Variants in RBM44 observed in about 807,000 individuals in gnomAD.
RBM44 encodes the protein RNA binding motif protein 44, also known as RNA-binding protein 44.
Under a neutral mutation model 105.1 loss-of-function variants are expected in RBM44, and 66 were observed. The observed-to-expected ratio is 0.63, with a 90% CI of 0.52 to 0.77. The LOEUF is 0.77. RBM44 is among the 30% of genes least tolerant of loss of function. The pLI is 0.00. For synonymous variants in RBM44, 365 were observed against 417.6 expected (o/e 0.87, Z 1.54); for missense variants, 1,122 against 1,207.8 (o/e 0.93, Z 1.05).
rs567841735 is a variant in RBM44 at position 237,819,286 on chromosome 2, T to C, written c.1736+327T>C. On this transcript the variant is annotated intron_variant, in intron 4 of 15. Coordinates refer to ENST00000316997, the MANE Select transcript of RBM44 (RefSeq NM_001080504.3). ...AGAACAAACTAGCACCTTTGGAATA[T>C]GTCATTTATTTGGAGAAGTAAATAG... Among the ~76,000 whole-genome samples, 3 of 152,094 alleles carry C rather than the reference T, an allele frequency of 2.0e-5. No individual in the cohort carries two copies. The East Asian group carries it at 5.8e-4, about 29-fold the overall frequency.
At position 237,841,111 on chromosome 2, in the gene RBM44, C is replaced by T. The variant is rs1439751334; in HGVS notation, c.*23-728C>T. Among the ~76,000 whole-genome samples, 1 of 152,200 alleles carries T rather than the reference C, an allele frequency of 6.6e-6. No homozygotes were observed. The highest frequency in any genetic ancestry group is 1.5e-5 in the Non-Finnish European group (1 of 68,034). The stretch of plus-strand genomic sequence containing the variant: ...TGTAAATCATTGTACCATAAAGACA[C>T]ATGCATGTGCATATTTATCACAGCA... On this transcript the variant is annotated intron_variant, in intron 15 of 15. Coordinates refer to ENST00000316997, the MANE Select transcript of RBM44 (RefSeq NM_001080504.3). The surrounding 1 kb of genome is among the most constrained non-coding windows in gnomAD (Gnocchi z 4.5).
intron 1 of RBM44, among the ~76,000 whole-genome samples, chr2:237,807,154 A>G (rs911864700): frequency 3.3e-5 from 5 of 150,190 alleles, no homozygotes; most frequent in East Asian, 3.9e-4. Context: ...ACACCTAGGG[A>G]AAAAAAAAAT....
chr2:237,803,968 A>G lies in RBM44; in HGVS notation c.-19+5107A>G, dbSNP rs1322829437. 6.6e-6 allele frequency among the ~76,000 whole-genome samples: 1 copy of G among 151,648 alleles called. No individual in the cohort carries two copies. Among genetic ancestry groups the G allele is most frequent in the Non-Finnish European group, 1.5e-5 (1 of 67,912 alleles). ...AGTGGCGCAATCTCAGCTGACTGCAACCTCTGGGGTTCTGCCTCAGCCTCC... is the reference window on the plus strand; with the variant it reads ...AGTGGCGCAATCTCAGCTGACTGCAGCCTCTGGGGTTCTGCCTCAGCCTCC... On this transcript the variant is annotated intron_variant, in intron 1 of 15. Coordinates refer to ENST00000316997, the MANE Select transcript of RBM44 (RefSeq NM_001080504.3). This position sits in a 1 kb window ranked among gnomAD's most constrained non-coding sequence, Gnocchi z 4.2.
chr2:237,809,970 A>C (rs1188129170), intron 1 of RBM44, among the ~76,000 whole-genome samples: 3 of 152,222 alleles, frequency 2.0e-5, no homozygotes, highest in Non-Finnish European at 4.4e-5. Flanking sequence ...TTGACTGAAG[A>C]ATAAATCAAA....
intron 13 of RBM44, among the ~76,000 whole-genome samples, chr2:237,833,021 CAAT>C (rs1412283965): frequency 7.9e-5 from 12 of 152,154 alleles, no homozygotes; most frequent in Non-Finnish European, 1.8e-4. Flanking sequence ...TATTACTTAC[CAAT>C]AATTTGGCTT....
At chr2:237,822,791 T>C (rs1576509506) in intron 8 of RBM44, among the ~76,000 whole-genome samples, 1 of 152,052 alleles carries the variant, frequency 6.6e-6, no homozygotes, top group Non-Finnish European at 1.5e-5. Flanking sequence ...CAAAACAATA[T>C]TGATTTTAAG....
chr2:237,829,310 G>A lies in RBM44; in HGVS notation c.2694G>A (p.Val898=), dbSNP rs2061879931. Residue 898 remains valine (V), a synonymous_variant, in exon 13 of 16, where the codon GTG becomes GTA. Coordinates refer to ENST00000316997, the MANE Select transcript of RBM44 (RefSeq NM_001080504.3). ...AAATAAATGGAAAGTCAGTAAATGT[G>A]TGGCCTGTTAAAATTCTTGGAGAAT... ...GIEINGKSVN[V]WPVKILGEYT... 1 of 1,613,172 alleles carries A rather than the reference G, an allele frequency of 6.2e-7. No homozygotes were observed. Among genetic ancestry groups the A allele is most frequent in the Non-Finnish European group, 8.5e-7 (1 of 1,179,362 alleles).
chr2:237,821,564 G>T (rs943110458), intron 7 of RBM44, among the ~76,000 whole-genome samples, 179 bp from the exon 8 acceptor site: 1 of 152,016 alleles, frequency 6.6e-6, no homozygotes, highest in Non-Finnish European at 1.5e-5. Flanking sequence ...CATAGGATGT[G>T]TACTAATCAA....
At chr2:237,839,021 T>A (rs547992947) in intron 15 of RBM44, among the ~76,000 whole-genome samples, 2 of 152,064 alleles carry the variant, frequency 1.3e-5, no homozygotes, top group Non-Finnish European at 2.9e-5. Flanking sequence ...GTATAGCAGT[T>A]TTAGTATAGT....
intron 12 of RBM44, among the ~76,000 whole-genome samples, chr2:237,828,475 C>CT (rs2061871083): frequency 6.6e-6 from 1 of 152,018 alleles, no homozygotes; most frequent in South Asian, 2.1e-4. Context: ...TTGTTGAATA[C>CT]TTTTTTAAAA....
chr2:237,801,354 C>T (rs1319330579), intron 1 of RBM44, among the ~76,000 whole-genome samples: 2 of 152,274 alleles, frequency 1.3e-5, no homozygotes, highest in East Asian at 3.9e-4. Context: ...ATATTTTGAA[C>T]AATCAAATGT....
Position 237,837,450 on chromosome 2 carries a change from A to G in RBM44, c.*22+3027A>G, listed in dbSNP as rs532337889. On this transcript the variant is annotated intron_variant, in intron 15 of 15. Transcript: ENST00000316997. ...TTCATGAGAGGAGGTAAAAATATCA[A>G]TATTCACAAGAGTTTGGAAGAAGTT... Among the ~76,000 whole-genome samples the G allele has an allele frequency of 2.0e-5, 3 of 152,330 alleles. No individual in the cohort carries two copies. In the East Asian group the frequency reaches 5.8e-4, roughly 29 times the overall value.
chr2:237,827,180 T>G, intron 10 of RBM44, 70 bp from the exon 11 acceptor site: 1 of 851,382 alleles, frequency 1.2e-6, no homozygotes, highest in East Asian at 2.6e-5. Flanking sequence ...TATTTAACAG[T>G]GTTCACATTT....
intron 4 of RBM44, among the ~76,000 whole-genome samples, chr2:237,819,925 TC>T (rs2061765151): frequency 6.6e-6 from 1 of 151,914 alleles, no homozygotes; most frequent in Non-Finnish European, 1.5e-5. Flanking sequence ...AATTCATACT[TC>T]CTTTTTTGGT....
chr2:237,828,131 T>C (rs968275301), intron 12 of RBM44, among the ~76,000 whole-genome samples: 2 of 152,196 alleles, frequency 1.3e-5, no homozygotes, highest in African/African-American at 4.8e-5. Flanking sequence ...AGTCTGAGTA[T>C]GTATGTTGCT....
chr2:237,818,378 A>G lies in RBM44; in HGVS notation c.1459A>G (p.Arg487Gly). Residue 487 changes from arginine (R) to glycine (G), a missense_variant, in exon 3 of 16, where the codon AGA becomes GGA. Coordinates refer to ENST00000316997, the MANE Select transcript of RBM44 (RefSeq NM_001080504.3). The surrounding 1 kb of genome is among the most constrained non-coding windows in gnomAD (Gnocchi z 4.6). Reference sequence around the variant, plus strand: ...CACAACCAGCAGGGCAACAAGTGCAAGACCTTCTGTAGTATCTACATCAAG... The same window carrying G: ...CACAACCAGCAGGGCAACAAGTGCAGGACCTTCTGTAGTATCTACATCAAG... ...CFTTSRATSA[R>G]PSVVSTSSNT... 6.2e-7 allele frequency: 1 copy of G among 1,613,096 alleles called. No individual in the cohort carries two copies. Among genetic ancestry groups the G allele is most frequent in the South Asian group, 1.1e-5 (1 of 91,008 alleles).
At chr2:237,819,467 C>T (rs1406381922) in intron 4 of RBM44, among the ~76,000 whole-genome samples, 1 of 151,984 alleles carries the variant, frequency 6.6e-6, no homozygotes, top group Non-Finnish European at 1.5e-5. Context: ...AGTTATCATA[C>T]TCTGAGGTCA....
chr2:237,820,248 A>G lies in RBM44; in HGVS notation c.1810A>G (p.Ile604Val). ...CTGTCAGAAGATAATGCAGAGAGCC[A>G]TAAAAGCAGAGCTGCACCTTTTAAA... The part of the protein sequence containing the change: ...MCCQKIMQRA[I>V]KAELHLLNVH... The change falls in exon 5 of 16, where the codon ATA becomes GTA. Residue 604 changes from isoleucine to valine, a missense_variant. Ile to Val is a conservative substitution (Grantham distance 29). Coordinates refer to ENST00000316997, the MANE Select transcript of RBM44 (RefSeq NM_001080504.3). 1 of 1,595,664 alleles carries G rather than the reference A, an allele frequency of 6.3e-7. No homozygotes were observed. Among genetic ancestry groups the G allele is most frequent in the Non-Finnish European group, 8.6e-7 (1 of 1,168,894 alleles).
intron 1 of RBM44, among the ~76,000 whole-genome samples, chr2:237,802,999 G>T (rs1357859929): frequency 1.3e-5 from 2 of 152,212 alleles, no homozygotes; most frequent in Non-Finnish European, 2.9e-5. Context: ...AGGTGCACTG[G>T]CTCATGCCTG....
Sources: gnomAD v4.1 joint callset for allele counts (sites outside exome capture counted in the v4.1 genomes callset) on GRCh38, gnomAD v4.1.1 for gene constraint, Gnocchi (gnomAD v3.1) non-coding constraint, MANE v1.5 for transcripts, NCBI Gene and HGNC (gene_info 2026-07-23, HGNC 2026-07-21) for gene names.